Variants in HDAC4 observed in about 807,000 individuals in gnomAD.
The protein encoded by HDAC4 is histone deacetylase 4.
HDAC4 carries 16 observed loss-of-function variants against 135.1 expected under a neutral mutation model. The ratio of observed to expected loss-of-function variants is 0.12; its 90% CI spans 0.08 to 0.18. The LOEUF is 0.18. HDAC4 is among the 10% of genes least tolerant of loss of function. HDAC4 has a pLI of 1.00. For synonymous variants in HDAC4, 685 were observed against 653.4 expected, an observed-to-expected ratio of 1.05 and a Z score of -0.74; for missense variants, 1,143 against 1,511.8, an observed-to-expected ratio of 0.76 and a Z score of 4.05.
chr2:239,059,958 A>G (rs1163938232), intron 24 of HDAC4, among the ~76,000 whole-genome samples: 1 of 152,184 alleles, frequency 6.6e-6, no homozygotes, highest in Non-Finnish European at 1.5e-5. Flanking sequence ...GGATCCACCC[A>G]CGTCCGTCAC....
At chr2:239,127,958 G>C (rs775855771) in intron 11 of HDAC4, among the ~76,000 whole-genome samples, 2 of 152,178 alleles carry the variant, frequency 1.3e-5, no homozygotes, top group South Asian at 2.1e-4. Flanking sequence ...CTTTGCAGGG[G>C]CTATTTCTAA....
intron 15 of HDAC4, among the ~76,000 whole-genome samples, chr2:239,106,051 C>G (rs1042614901): frequency 6.6e-6 from 1 of 152,192 alleles, no homozygotes; most frequent in Non-Finnish European, 1.5e-5. Flanking sequence ...CAGCTCTCCT[C>G]TCCCTGAGAT....
chr2:239,328,176 T>C (rs2053524878), intron 2 of HDAC4, among the ~76,000 whole-genome samples: 1 of 152,328 alleles, frequency 6.6e-6, no homozygotes, highest in East Asian at 1.9e-4. Context: ...CCAAGTTCTT[T>C]CTTCTAGCCA....
chr2:239,242,256 G>T (rs1449061525), intron 2 of HDAC4, among the ~76,000 whole-genome samples: 2 of 148,978 alleles, frequency 1.3e-5, no homozygotes, highest in African/African-American at 5.1e-5. Flanking sequence ...GAGGGAGGGA[G>T]GGAAACGAAC....
chr2:239,085,232 C>A (rs187461312), intron 19 of HDAC4, among the ~76,000 whole-genome samples: 1 of 152,242 alleles, frequency 6.6e-6, no homozygotes, highest in African/African-American at 2.4e-5. Flanking sequence ...TCCTGCTGAC[C>A]TTCCTATATT....
At chr2:239,183,271 T>A (rs59882837) in intron 4 of HDAC4, among the ~76,000 whole-genome samples, 4,616 of 152,354 alleles carry the variant, frequency 0.03, 230 homozygotes, top group African/African-American at 0.1. Context: ...GAATTTAATA[T>A]ACAAATATTC....
intron 2 of HDAC4, among the ~76,000 whole-genome samples, chr2:239,312,375 G>A (rs114814650): frequency 0.029 from 4,341 of 152,274 alleles, 191 homozygotes; most frequent in African/African-American, 0.099. Context: ...CCAACTGCAC[G>A]GTGGTGGTGC....
At chr2:239,290,703 C>T (rs563785305) in intron 2 of HDAC4, among the ~76,000 whole-genome samples, 2 of 152,162 alleles carry the variant, frequency 1.3e-5, no homozygotes, top group African/African-American at 2.4e-5. Flanking sequence ...CACACACGCA[C>T]GCACACACTC....
intron 11 of HDAC4, among the ~76,000 whole-genome samples, chr2:239,132,872 AG>A (rs1479471992): frequency 3.3e-5 from 5 of 152,208 alleles, no homozygotes; most frequent in Admixed American, 3.3e-4. Flanking sequence ...CGAGAAACTC[AG>A]GTGTCCTTCA....
At chr2:239,103,008 C>T in intron 15 of HDAC4, 112 bp from the exon 16 acceptor site, 1 of 1,290,210 alleles carries the variant, frequency 7.8e-7, no homozygotes, top group South Asian at 1.3e-5. Flanking sequence ...TAATTTGATA[C>T]AAAAACAAGC....
At chr2:239,385,271 A>C (rs1396502505) in intron 1 of HDAC4, among the ~76,000 whole-genome samples, 1 of 152,030 alleles carries the variant, frequency 6.6e-6, no homozygotes, top group Non-Finnish European at 1.5e-5. Flanking sequence ...CAGAGGCGAC[A>C]CTCTTGGAGC....
chr2:239,338,635 T>G (rs538892641), intron 2 of HDAC4, among the ~76,000 whole-genome samples: 1 of 152,356 alleles, frequency 6.6e-6, no homozygotes, highest in East Asian at 1.9e-4. Context: ...ATTCCTTTTA[T>G]TTTTCTAAGG....
At chr2:239,133,431 C>T (rs1327367859) in intron 11 of HDAC4, among the ~76,000 whole-genome samples, 5 of 152,344 alleles carry the variant, frequency 3.3e-5, no homozygotes, top group Admixed American at 1.3e-4. Flanking sequence ...AGATGTACAA[C>T]GATGACCCGC....
At chr2:239,294,544 A>C (rs1350854443) in intron 2 of HDAC4, among the ~76,000 whole-genome samples, 9 of 152,120 alleles carry the variant, frequency 5.9e-5, no homozygotes, top group Admixed American at 5.9e-4. Flanking sequence ...TAGGCTTCTG[A>C]GTAGGTGGGG....
intron 4 of HDAC4, among the ~76,000 whole-genome samples, chr2:239,183,466 G>A (rs1225269350): frequency 6.6e-6 from 1 of 152,220 alleles, no homozygotes; most frequent in Non-Finnish European, 1.5e-5. Flanking sequence ...GCCCATGGAT[G>A]GGAACACCAG....
intron 13 of HDAC4, among the ~76,000 whole-genome samples, chr2:239,112,558 G>T (rs374296866): frequency 8.5e-5 from 13 of 152,286 alleles, no homozygotes; most frequent in South Asian, 4.1e-4. Flanking sequence ...CTGTGTGTGG[G>T]GGGGGCACTC....
chr2:239,208,664 A>G (rs1034490247), intron 3 of HDAC4, among the ~76,000 whole-genome samples: 1 of 148,864 alleles, frequency 6.7e-6, no homozygotes, highest in Non-Finnish European at 1.5e-5. Context: ...CACCCCCACC[A>G]CCTGCAAAGA....
chr2:239,063,692 C>A (rs369658257), intron 24 of HDAC4, among the ~76,000 whole-genome samples: 23 of 152,206 alleles, frequency 1.5e-4, no homozygotes, highest in African/African-American at 2.7e-4. Flanking sequence ...CAGCCTCCCC[C>A]ACACCTGCGA....
In HDAC4 at chr2:239,306,691, C is replaced by T. The variant is rs1350858868; in HGVS notation, c.22+45987G>A. ...TGATGGCAGAACCCAGGTCCTCGGGCGCAGAGCATCCAGGGCCCAGGGCCC... is the reference window on the plus strand; with the variant it reads ...TGATGGCAGAACCCAGGTCCTCGGGTGCAGAGCATCCAGGGCCCAGGGCCC... On this transcript the variant is annotated intron_variant, in intron 2 of 26. Transcript: ENST00000543185. This position sits in a 1 kb window ranked among gnomAD's most constrained non-coding sequence, Gnocchi z 4.5. Among the ~76,000 whole-genome samples, 3 of 152,124 alleles carry T rather than the reference C, an allele frequency of 2.0e-5. No homozygotes were observed. The highest frequency in any genetic ancestry group is 1.5e-5 in the Non-Finnish European group (1 of 68,012).
Sources: allele counts gnomAD v4.1 joint callset (sites outside exome capture counted in the v4.1 genomes callset), GRCh38; gene constraint gnomAD v4.1.1; non-coding constraint Gnocchi (gnomAD v3.1); transcripts MANE v1.5; gene names NCBI Gene and HGNC (gene_info 2026-07-23, HGNC 2026-07-21).